Variants in UGT1A10 observed in about 807,000 individuals in gnomAD.
UGT1A10 encodes UDP glucuronosyltransferase family 1 member A10.
A neutral mutation model predicts 45.8 loss-of-function variants in UGT1A10; 49 were observed. The ratio of observed to expected loss-of-function variants is 1.07; its 90% CI spans 0.85 to 1.36. UGT1A10 has a LOEUF of 1.36. Ranked by LOEUF, UGT1A10 falls within the 40% of genes most tolerant of loss-of-function variation. The pLI is 0.00. For synonymous variants in UGT1A10, 284 were observed against 249.7 expected (o/e 1.14, Z -1.29); for missense variants, 745 against 668.6 (o/e 1.11, Z -1.26).
At chr2:233,712,978 T>A (rs2076265993) in intron 1 of UGT1A10, 1 of 1,613,140 alleles carries the variant, frequency 6.2e-7, no homozygotes, top group Admixed American at 1.7e-5. Flanking sequence ...CAGCTGTCGG[T>A]GGCTTCTGCT....
At chr2:233,752,762 C>CA (rs1695055217) in intron 1 of UGT1A10, among the ~76,000 whole-genome samples, 1 of 152,222 alleles carries the variant, frequency 6.6e-6, no homozygotes, top group Non-Finnish European at 1.5e-5. Flanking sequence ...AACAAACAAA[C>CA]AAACAAACAA....
At position 233,654,635 on chromosome 2, in the gene UGT1A10, A is replaced by G. The variant is rs185937214; in HGVS notation, c.855+17258A>G. Among the ~76,000 whole-genome samples the G allele has an allele frequency of 1.4e-3, 214 of 152,374 alleles. 1 individual carries two copies. The highest frequency in any genetic ancestry group is 4.7e-3 in the African/African-American group (195 of 41,588). On this transcript the variant is annotated intron_variant, in intron 1 of 4. Transcript: ENST00000344644. ...CCTATAAAATGCAAAACTACTGATG[A>G]TTGCTTGGCGACATAGCAACACCAA...
chr2:233,735,509 C>A lies in UGT1A10; in HGVS notation c.856-31525C>A, dbSNP rs185084136. Among the ~76,000 whole-genome samples the A allele has an allele frequency of 5.3e-4, 81 of 152,270 alleles. No homozygotes were observed. The East Asian group carries it at 0.013, about 24-fold the overall frequency. On this transcript the variant is annotated intron_variant, in intron 1 of 4. Coordinates refer to ENST00000344644, the MANE Select transcript of UGT1A10 (RefSeq NM_019075.4). ...TTAATTGCAGCATTTAGCCCATTTA[C>A]ATTTAAGGTAAATATTGTTATGAGT...
intron 1 of UGT1A10, among the ~76,000 whole-genome samples, chr2:233,656,391 C>T (rs774074985): frequency 2.0e-5 from 3 of 152,178 alleles, no homozygotes; most frequent in African/African-American, 4.8e-5. Context: ...CCAATGAAAG[C>T]AGTATTTGTG....
At chr2:233,693,129 T>A (rs1392316914) in intron 1 of UGT1A10, 1 of 1,614,192 alleles carries the variant, frequency 6.2e-7, no homozygotes, top group East Asian at 2.2e-5. Context: ...TGGCTTAGTA[T>A]GAAGGATATA....
chr2:233,638,990 T>C (rs2073377779), intron 1 of UGT1A10, among the ~76,000 whole-genome samples: 1 of 152,174 alleles, frequency 6.6e-6, no homozygotes, highest in Non-Finnish European at 1.5e-5. Flanking sequence ...GCACCACCCA[T>C]GTGTTGCCTA....
chr2:233,758,652 G>A (rs1363541572), intron 1 of UGT1A10, among the ~76,000 whole-genome samples: 2 of 152,076 alleles, frequency 1.3e-5, no homozygotes, highest in Non-Finnish European at 2.9e-5. Context: ...GAATGAGAGG[G>A]TACCCTAATT....
intron 1 of UGT1A10, among the ~76,000 whole-genome samples, chr2:233,638,184 A>G (rs918913100): frequency 1.3e-5 from 2 of 152,142 alleles, no homozygotes; most frequent in African/African-American, 4.8e-5. Context: ...ATGTCTCACT[A>G]TTTATTCAGA....
intron 1 of UGT1A10, chr2:233,748,039 T>A: frequency 1.2e-6 from 2 of 1,613,500 alleles, no homozygotes; most frequent in South Asian, 1.1e-5. Flanking sequence ...ATGGTCTTCA[T>A]TGGGGGCATC....
intron 1 of UGT1A10, chr2:233,692,729 T>C (rs1309598477): frequency 3.2e-6 from 3 of 927,358 alleles, no homozygotes; most frequent in Non-Finnish European, 4.3e-6. Flanking sequence ...GCTATAACTT[T>C]TCAGAGAGGG....
In UGT1A10 at chr2:233,755,021, G is replaced by A. The variant is rs1378604817; in HGVS notation, c.856-12013G>A. 6 of 1,305,166 alleles carry A rather than the reference G, an allele frequency of 4.6e-6. No individual in the cohort carries two copies. In the East Asian group the frequency reaches 2.8e-4, roughly 60 times the overall value. The allele number at this position is 1,305,166 out of a possible 1,614,324, so 80.8% of individuals were successfully genotyped here. A position where few individuals can be genotyped will look rare whatever the true frequency, so the allele number is the denominator to read the frequency against. Reference sequence around the variant, plus strand: ...TGAAGACCTACTCGAAGGGGTCCTTGAAGGGCCTGCCGCCTGCGCAGCCGC... The same window carrying A: ...TGAAGACCTACTCGAAGGGGTCCTTAAAGGGCCTGCCGCCTGCGCAGCCGC... On this transcript the variant is annotated intron_variant, in intron 1 of 4. Transcript: ENST00000344644.
chr2:233,727,430 A>C (rs1214577607), intron 1 of UGT1A10, among the ~76,000 whole-genome samples: 1 of 152,124 alleles, frequency 6.6e-6, no homozygotes, highest in African/African-American at 2.4e-5. Flanking sequence ...GGAGTCCCAG[A>C]CATGTGACAA....
chr2:233,637,822 A>G (rs964012742), intron 1 of UGT1A10, among the ~76,000 whole-genome samples: 2 of 152,182 alleles, frequency 1.3e-5, no homozygotes, highest in Admixed American at 1.3e-4. Context: ...TGGGCTGAAC[A>G]TATTCTTCTT....
At chr2:233,745,320 A>T (rs1693070605) in intron 1 of UGT1A10, among the ~76,000 whole-genome samples, 1 of 151,792 alleles carries the variant, frequency 6.6e-6, no homozygotes, top group African/African-American at 2.4e-5. Flanking sequence ...TTTCCACTAG[A>T]ACTGCTATAT....
At chr2:233,678,770 T>C (rs571167260) in intron 1 of UGT1A10, among the ~76,000 whole-genome samples, 1 of 152,318 alleles carries the variant, frequency 6.6e-6, no homozygotes, top group African/African-American at 2.4e-5. Flanking sequence ...GGTCATCTAT[T>C]GATTCCCTGA....
At chr2:233,684,171 C>T (rs1233354047) in intron 1 of UGT1A10, among the ~76,000 whole-genome samples, 2 of 152,130 alleles carry the variant, frequency 1.3e-5, no homozygotes, top group African/African-American at 4.8e-5. Flanking sequence ...CTCATATTGG[C>T]AGATGTTTGG....
Position 233,682,166 on chromosome 2 carries a change from T to TAC in UGT1A10, c.855+44790_855+44791dup, listed in dbSNP as rs1421216272. 4 of 1,614,206 alleles carry TAC rather than the reference T, an allele frequency of 2.5e-6. No individual in the cohort carries two copies. The East Asian group carries it at 8.9e-5, about 36-fold the overall frequency. ...ATCACTGAATTGCACAGTGAAGACT[T>TAC]ACTCAACCTCATACACTCTGGAGGA... is the stretch of plus-strand genomic sequence containing the variant. On this transcript the variant is annotated intron_variant, in intron 1 of 4. Transcript: ENST00000344644.
At position 233,773,221 on chromosome 2, in the gene UGT1A10, T is replaced by C. The variant is rs1191094075; in HGVS notation, c.*662T>C. ...ATTTGATAAAAACCCAAAATACAGC[T>C]ATGAAGTGCTGGGCAAGTTTACTTT... On this transcript the variant is annotated 3_prime_UTR_variant, in exon 5 of 5. Coordinates refer to ENST00000344644, the MANE Select transcript of UGT1A10 (RefSeq NM_019075.4). The C allele has an allele frequency of 6.6e-6, 1 of 152,384 alleles. No individual in the cohort carries two copies. The highest frequency in any genetic ancestry group is 2.4e-5 in the African/African-American group (1 of 41,462). 9.4% of individuals were successfully genotyped at this position (152,384 alleles called of 1,614,324 possible). A position where few individuals can be genotyped will look rare whatever the true frequency, so the allele number is the denominator to read the frequency against.
intron 1 of UGT1A10, among the ~76,000 whole-genome samples, chr2:233,702,570 C>T (rs2075694124): frequency 6.6e-6 from 1 of 152,096 alleles, no homozygotes; most frequent in Admixed American, 6.5e-5. Context: ...AGTCTTTTAG[C>T]AGATTAGGTC....
Sources: gnomAD v4.1 joint callset for allele counts (sites outside exome capture counted in the v4.1 genomes callset) on GRCh38, gnomAD v4.1.1 for gene constraint, MANE v1.5 for transcripts, NCBI Gene and HGNC (gene_info 2026-07-23, HGNC 2026-07-21) for gene names.